The following AMPH variants were observed in gnomAD, a reference collection of about 807,000 sequenced individuals.
AMPH encodes amphiphysin.
AMPH carries 49 observed loss-of-function variants against 99.1 expected under a neutral mutation model. The observed-to-expected ratio is 0.49, with a 90% confidence interval of 0.39 to 0.63. The LOEUF (loss-of-function observed/expected upper bound fraction) is 0.63, where lower values mean the gene tolerates loss of function less well. Ranked by LOEUF, AMPH falls within the 20% of genes least tolerant of loss-of-function variation. AMPH has a pLI of 0.00. For missense variants in AMPH, 759 were observed against 863.4 expected, an observed-to-expected ratio of 0.88 and a Z score of 1.52; for synonymous variants, 314 against 317.3, an observed-to-expected ratio of 0.99 and a Z score of 0.11.
chr7:38,426,278 T>C (rs932315956), intron 15 of AMPH, among the ~76,000 whole-genome samples: 6 of 152,180 alleles, frequency 3.9e-5, no homozygotes, highest in East Asian at 1.9e-4. Context: ...CTGAGAGCCA[T>C]GTGGCCGGCC....
intron 11 of AMPH, among the ~76,000 whole-genome samples, chr7:38,450,086 A>G (rs1184543887): frequency 6.6e-6 from 1 of 152,182 alleles, no homozygotes. Flanking sequence ...TGGTCCCAAC[A>G]CTCAGGATTG....
chr7:38,463,039 G>A lies in AMPH; in HGVS notation c.824C>T (p.Ala275Val). Reference sequence around the variant, plus strand: ...AGGTGCTAATGTATGATTTGGACTTGCTGTCGGGCTCGGGAGGGGTGAAGG... The same window carrying A: ...AGGTGCTAATGTATGATTTGGACTTACTGTCGGGCTCGGGAGGGGTGAAGG... ...EEPSPLPSPTASPNHTLAPAS... is the reference protein window; with the variant it reads ...EEPSPLPSPTVSPNHTLAPAS... Residue 275 changes from alanine (A) to valine (V), a missense_variant, in exon 10 of 21, where the codon GCA becomes GTA. Ala to Val is a moderately conservative substitution (Grantham distance 64, BLOSUM62 0). Transcript: ENST00000356264. The A allele has an allele frequency of 6.2e-7, 1 of 1,611,062 alleles. No individual in the cohort carries two copies. Among genetic ancestry groups the A allele is most frequent in the Non-Finnish European group, 8.5e-7 (1 of 1,178,712 alleles).
chr7:38,609,446 C>A (rs1403351381), intron 1 of AMPH, among the ~76,000 whole-genome samples: 1 of 152,200 alleles, frequency 6.6e-6, no homozygotes, highest in Non-Finnish European at 1.5e-5. Context: ...GGCTGAAGCA[C>A]TTTAGGCATT....
At chr7:38,550,188 C>A (rs1791131266) in intron 1 of AMPH, among the ~76,000 whole-genome samples, 1 of 152,142 alleles carries the variant, frequency 6.6e-6, no homozygotes, top group Non-Finnish European at 1.5e-5. Flanking sequence ...CTTACATTTC[C>A]TCCCCTAAAT....
intron 17 of AMPH, among the ~76,000 whole-genome samples, chr7:38,404,448 T>C (rs1162796754): frequency 6.6e-6 from 1 of 152,046 alleles, no homozygotes; most frequent in Non-Finnish European, 1.5e-5. Flanking sequence ...AGACAGTGTA[T>C]CAGTTCATAC....
At chr7:38,449,225 G>A (rs911560616) in intron 11 of AMPH, among the ~76,000 whole-genome samples, 2 of 152,150 alleles carry the variant, frequency 1.3e-5, no homozygotes, top group African/African-American at 2.4e-5. Context: ...GGATACTAAG[G>A]ATAGAAAGAG....
Position 38,409,198 on chromosome 7 carries a change from C to T in AMPH, c.1398+8627G>A, listed in dbSNP as rs558764827. Among the ~76,000 whole-genome samples the T allele has an allele frequency of 9.9e-5, 15 of 152,270 alleles. No homozygotes were observed. In the East Asian group the frequency reaches 1.7e-3, roughly 18 times the overall value. On this transcript the variant is annotated intron_variant, in intron 17 of 20. Coordinates refer to ENST00000356264, the MANE Select transcript of AMPH (RefSeq NM_001635.4). ...AAGTAACAAAGGAGAATAAATACAGCGGGAATTCTGGCTGCAGGGCACCAT... is the reference window on the plus strand; with the variant it reads ...AAGTAACAAAGGAGAATAAATACAGTGGGAATTCTGGCTGCAGGGCACCAT...
intron 11 of AMPH, among the ~76,000 whole-genome samples, chr7:38,448,161 T>G (rs1786862823): frequency 1.3e-5 from 2 of 152,338 alleles, no homozygotes; most frequent in South Asian, 4.1e-4. Context: ...AAGTTTACCT[T>G]CGTGGTTAGA....
intron 5 of AMPH, among the ~76,000 whole-genome samples, chr7:38,480,776 T>A (rs1190017004): frequency 6.6e-6 from 1 of 152,152 alleles, no homozygotes; most frequent in Admixed American, 6.6e-5. Flanking sequence ...CAAAAATGTG[T>A]TACCTTCAAA....
chr7:38,461,474 G>T, intron 10 of AMPH, 63 bp from the exon 11 acceptor site: 1 of 1,602,736 alleles, frequency 6.2e-7, no homozygotes, highest in Non-Finnish European at 8.5e-7. Flanking sequence ...ACGAAGAAAG[G>T]TCACATGAAC....
intron 2 of AMPH, among the ~76,000 whole-genome samples, chr7:38,510,992 T>C (rs1032079178): frequency 2.6e-5 from 4 of 152,166 alleles, no homozygotes; most frequent in Non-Finnish European, 5.9e-5. Context: ...CCTTAAAATC[T>C]GAGCTCTGCC....
intron 1 of AMPH, among the ~76,000 whole-genome samples, chr7:38,558,142 C>T (rs931099865): frequency 6.6e-6 from 1 of 152,206 alleles, no homozygotes; most frequent in Non-Finnish European, 1.5e-5. Context: ...CAGAATGCTC[C>T]ATCTTGACTT....
intron 11 of AMPH, among the ~76,000 whole-genome samples, chr7:38,445,512 T>C (rs188484706): frequency 3.9e-5 from 6 of 152,284 alleles, no homozygotes; most frequent in South Asian, 4.2e-4. Flanking sequence ...TTTGCAAATC[T>C]TATCTAATGA....
chr7:38,410,270 C>A lies in AMPH; in HGVS notation c.1398+7555G>T, dbSNP rs1188880644. 3.3e-5 allele frequency among the ~76,000 whole-genome samples: 5 copies of A among 152,322 alleles called. No homozygotes were observed. In the East Asian group the frequency reaches 9.6e-4, roughly 29 times the overall value. On this transcript the variant is annotated intron_variant, in intron 17 of 20. Coordinates refer to ENST00000356264, the MANE Select transcript of AMPH (RefSeq NM_001635.4). ...GACTAGACTGAGAAACAGTGATCTGCAAATCACCTGAATGTCATTACACTT... is the reference window on the plus strand; with the variant it reads ...GACTAGACTGAGAAACAGTGATCTGAAAATCACCTGAATGTCATTACACTT...
Position 38,515,206 on chromosome 7 carries a change from G to A in AMPH, c.151-11502C>T, listed in dbSNP as rs542784033. On this transcript the variant is annotated intron_variant, in intron 2 of 20. Transcript: ENST00000356264. Reference sequence around the variant, plus strand: ...TAGCTGAGTTGTGTCCATGCCCAGCGGACTTTATGGAATGTAGAAATTGAG... The same window carrying A: ...TAGCTGAGTTGTGTCCATGCCCAGCAGACTTTATGGAATGTAGAAATTGAG... Among the ~76,000 whole-genome samples, 117 of 152,198 alleles carry A rather than the reference G, an allele frequency of 7.7e-4. 1 individual carries two copies. The South Asian group carries it at 0.02, about 25-fold the overall frequency.
chr7:38,557,311 C>T (rs769943435), intron 1 of AMPH, among the ~76,000 whole-genome samples: 2 of 152,154 alleles, frequency 1.3e-5, no homozygotes, highest in Non-Finnish European at 2.9e-5. Flanking sequence ...GGCAGTGTCC[C>T]CACCCAAATC....
intron 5 of AMPH, among the ~76,000 whole-genome samples, chr7:38,482,336 CA>C (rs1788317930): frequency 6.6e-6 from 1 of 152,002 alleles, no homozygotes; most frequent in Non-Finnish European, 1.5e-5. Flanking sequence ...ATATTGTTTC[CA>C]AATCTCTACA....
At chr7:38,496,920 T>A (rs1486652486) in intron 3 of AMPH, among the ~76,000 whole-genome samples, 1 of 152,160 alleles carries the variant, frequency 6.6e-6, no homozygotes, top group African/African-American at 2.4e-5. Context: ...ATCTTTGTGA[T>A]GAAAAATAAA....
intron 3 of AMPH, among the ~76,000 whole-genome samples, chr7:38,495,378 G>C (rs1788892836): frequency 6.6e-6 from 1 of 152,148 alleles, no homozygotes; most frequent in South Asian, 2.1e-4. Context: ...ACTTACTCCA[G>C]TTTAGGGTCA....
Sources: allele counts gnomAD v4.1 joint callset (sites outside exome capture counted in the v4.1 genomes callset), GRCh38; gene constraint gnomAD v4.1.1; transcripts MANE v1.5; gene names NCBI Gene and HGNC (gene_info 2026-07-23, HGNC 2026-07-21).